TENM4: variants seen among roughly 807,000 people sequenced by gnomAD.
TENM4 encodes teneurin transmembrane protein 4, also known as teneurin-4.
Under a neutral mutation model 243.3 loss-of-function variants are expected in TENM4, and 82 were observed. The ratio of observed to expected loss-of-function variants is 0.34; its 90% CI spans 0.28 to 0.40. The LOEUF is 0.40. Among genes scored for constraint, TENM4 ranks in the 10% least tolerant of loss-of-function variants. The pLI, the probability that TENM4 is intolerant of heterozygous loss-of-function variation, is 1.00. For synonymous variants in TENM4, 1,412 were observed against 1,456.3 expected, an observed-to-expected ratio of 0.97 and a Z score of 0.69; for missense variants, 3,138 against 3,673.3, an observed-to-expected ratio of 0.85 and a Z score of 3.77.
chr11:79,390,739 A>C (rs1158755383), intron 1 of TENM4, among the ~76,000 whole-genome samples: 1 of 152,014 alleles, frequency 6.6e-6, no homozygotes, highest in African/African-American at 2.4e-5. Context: ...CTGTGACCTC[A>C]CTCCAAGATC....
At chr11:78,723,449 T>C (rs1394799626) in intron 23 of TENM4, among the ~76,000 whole-genome samples, 2 of 152,234 alleles carry the variant, frequency 1.3e-5, no homozygotes, top group Non-Finnish European at 2.9e-5. Context: ...CCAGTGAATG[T>C]TTATAGAAAT....
intron 7 of TENM4, among the ~76,000 whole-genome samples, chr11:78,900,162 G>A (rs182628946): frequency 7.7e-4 from 117 of 152,348 alleles, no homozygotes; most frequent in Admixed American, 7.6e-3. Context: ...ACTGTGAAGT[G>A]TAATCAACTG....
At chr11:78,814,485 C>A in intron 12 of TENM4, 90 bp from the exon 13 acceptor site, 1 of 1,101,624 alleles carries the variant, frequency 9.1e-7, no homozygotes, top group South Asian at 1.5e-5. Context: ...AGCCAAGACC[C>A]ACATATTTGA....
intron 6 of TENM4, among the ~76,000 whole-genome samples, chr11:78,992,633 G>C (rs1858074281): frequency 6.6e-6 from 1 of 152,188 alleles, no homozygotes; most frequent in Non-Finnish European, 1.5e-5. Context: ...TGAGAGAAAG[G>C]CAGAAGAAAT....
At chr11:79,348,026 G>T (rs1397699012) in intron 1 of TENM4, among the ~76,000 whole-genome samples, 1 of 151,864 alleles carries the variant, frequency 6.6e-6, no homozygotes, top group Non-Finnish European at 1.5e-5. Context: ...TGATCCACCC[G>T]CCTCGGCCTC....
chr11:78,731,823 T>C (rs887980248), intron 21 of TENM4, among the ~76,000 whole-genome samples: 2 of 152,248 alleles, frequency 1.3e-5, no homozygotes. Flanking sequence ...TTAATAATAA[T>C]AGCTAAAATT....
intron 6 of TENM4, among the ~76,000 whole-genome samples, chr11:78,959,737 T>G (rs1201655765): frequency 1.3e-5 from 2 of 152,226 alleles, no homozygotes; most frequent in African/African-American, 2.4e-5. Flanking sequence ...AGCAGACAGC[T>G]GCAGGCTAAA....
intron 25 of TENM4, among the ~76,000 whole-genome samples, chr11:78,714,531 C>T (rs1241871114): frequency 6.6e-6 from 1 of 151,400 alleles, no homozygotes; most frequent in African/African-American, 2.4e-5. Context: ...TAGCCTGGGT[C>T]CTCTTCAAGC....
intron 29 of TENM4, 65 bp from the exon 30 acceptor site, chr11:78,676,452 C>CACAGACTGCTCAGAAGGAACGA: frequency 7.3e-7 from 1 of 1,375,202 alleles, no homozygotes; most frequent in African/African-American, 1.4e-5. Flanking sequence ...GTGAGGACAG[C>CACAGACTGCTCAGAAGGAACGA]AGAGGCGGTG....
At chr11:79,010,588 C>CA (rs1858619690) in intron 6 of TENM4, among the ~76,000 whole-genome samples, 1 of 152,136 alleles carries the variant, frequency 6.6e-6, no homozygotes. Flanking sequence ...CAAGGAGGAG[C>CA]AAGTCACATC....
intron 6 of TENM4, among the ~76,000 whole-genome samples, chr11:78,950,506 A>C (rs7117599): frequency 1.3e-5 from 2 of 152,188 alleles, no homozygotes; most frequent in African/African-American, 4.8e-5. Context: ...GGTGGGAGTG[A>C]GAAAAGATTG....
chr11:79,219,312 G>C (rs1194426895), intron 2 of TENM4, among the ~76,000 whole-genome samples: 1 of 152,240 alleles, frequency 6.6e-6, no homozygotes, highest in Non-Finnish European at 1.5e-5. Flanking sequence ...CAACAGGCTG[G>C]GGAATGTGGT....
At chr11:79,122,811 G>A (rs1861770232) in intron 4 of TENM4, among the ~76,000 whole-genome samples, 2 of 152,172 alleles carry the variant, frequency 1.3e-5, no homozygotes, top group African/African-American at 4.8e-5. Flanking sequence ...AAGCATTAAG[G>A]TCAGGAGAAC....
chr11:78,797,362 G>A (rs1472030050), intron 15 of TENM4, among the ~76,000 whole-genome samples: 2 of 152,122 alleles, frequency 1.3e-5, no homozygotes, highest in Non-Finnish European at 1.5e-5. Flanking sequence ...AAGATTACAA[G>A]TTATAATAAC....
intron 24 of TENM4, among the ~76,000 whole-genome samples, chr11:78,721,414 C>T (rs1859649243): frequency 6.6e-6 from 1 of 152,188 alleles, no homozygotes; most frequent in Non-Finnish European, 1.5e-5. Context: ...ACGCGTGCGC[C>T]TTAGAGTGAG....
At chr11:79,056,757 G>A (rs551320703) in intron 6 of TENM4, among the ~76,000 whole-genome samples, 163 of 152,276 alleles carry the variant, frequency 1.1e-3, no homozygotes, top group Admixed American at 3.0e-3. Context: ...GGAGGAGTGG[G>A]CAAGGGATAT....
intron 27 of TENM4, among the ~76,000 whole-genome samples, chr11:78,706,895 G>T (rs780998145): frequency 6.6e-6 from 1 of 152,152 alleles, no homozygotes; most frequent in African/African-American, 2.4e-5. Context: ...AGCCAGCAAG[G>T]GTAAGCCTGC....
At chr11:78,913,679 C>A (rs891192877) in intron 6 of TENM4, among the ~76,000 whole-genome samples, 1 of 150,714 alleles carries the variant, frequency 6.6e-6, no homozygotes, top group African/African-American at 2.5e-5. Flanking sequence ...TGTGATGGAG[C>A]GGATAAGCAG....
chr11:78,861,629 A>G (rs1383480043), intron 10 of TENM4, among the ~76,000 whole-genome samples: 1 of 152,252 alleles, frequency 6.6e-6, no homozygotes, highest in Non-Finnish European at 1.5e-5. Flanking sequence ...AAAGATGACC[A>G]GAAGCCAAGA....
Sources: allele counts gnomAD v4.1 joint callset (sites outside exome capture counted in the v4.1 genomes callset), GRCh38; gene constraint gnomAD v4.1.1; transcripts MANE v1.5; gene names NCBI Gene and HGNC (gene_info 2026-07-23, HGNC 2026-07-21).